The following CSNK1G1 variants were observed in gnomAD, a reference collection of about 807,000 sequenced individuals.
CSNK1G1 encodes the protein casein kinase 1 gamma 1.
In CSNK1G1, 22 loss-of-function variants were observed where a neutral mutation model predicts 59.6. That is an observed-to-expected ratio of 0.37 (90% CI 0.26 to 0.53). The LOEUF is 0.53. CSNK1G1 is among the 20% of genes least tolerant of loss of function. The pLI is 0.89. For missense variants in CSNK1G1, 384 were observed against 519.5 expected (o/e 0.74, Z 2.54); for synonymous variants, 179 against 177.1 (o/e 1.01, Z -0.08).
intron 10 of CSNK1G1, among the ~76,000 whole-genome samples, chr15:64,186,840 T>C (rs2081902952): frequency 6.6e-6 from 1 of 151,938 alleles, no homozygotes; most frequent in Non-Finnish European, 1.5e-5. Context: ...CTCTTTTTTT[T>C]TGAGACGGAA....
At chr15:64,281,533 A>G (rs1329466294) in intron 2 of CSNK1G1, among the ~76,000 whole-genome samples, 1 of 152,198 alleles carries the variant, frequency 6.6e-6, no homozygotes, top group African/African-American at 2.4e-5. Context: ...AGAGTTTCCA[A>G]TTCACAAGAT....
chr15:64,336,026 T>C (rs925447028), intron 1 of CSNK1G1, among the ~76,000 whole-genome samples: 4 of 152,162 alleles, frequency 2.6e-5, no homozygotes, highest in Non-Finnish European at 5.9e-5. Context: ...ATGAATAATA[T>C]TCATCTTAAT....
chr15:64,237,899 C>G (rs2082637097), intron 4 of CSNK1G1, among the ~76,000 whole-genome samples: 1 of 152,178 alleles, frequency 6.6e-6, no homozygotes, highest in African/African-American at 2.4e-5. Flanking sequence ...TTAACACTTA[C>G]TTTATTCACA....
At chr15:64,350,850 C>A (rs1898246449) in intron 1 of CSNK1G1, among the ~76,000 whole-genome samples, 1 of 151,984 alleles carries the variant, frequency 6.6e-6, no homozygotes, top group Admixed American at 6.6e-5. Context: ...CAATTTTGCT[C>A]TCCAAATAAG....
chr15:64,182,288 G>A (rs761031867), intron 10 of CSNK1G1, among the ~76,000 whole-genome samples: 2 of 152,024 alleles, frequency 1.3e-5, no homozygotes, highest in Non-Finnish European at 2.9e-5. Context: ...GGCCAGGCTA[G>A]TCTCGAACTC....
chr15:64,227,092 T>G (rs2082472876), intron 4 of CSNK1G1, among the ~76,000 whole-genome samples: 1 of 152,242 alleles, frequency 6.6e-6, no homozygotes, highest in Non-Finnish European at 1.5e-5. Flanking sequence ...TAACTACAAC[T>G]CAGTGCGATG....
In CSNK1G1 at chr15:64,168,999, G is replaced by A. The variant is rs977499090; in HGVS notation, c.*2932C>T. On this transcript the variant is annotated 3_prime_UTR_variant, in exon 12 of 12. Coordinates refer to ENST00000303052, the MANE Select transcript of CSNK1G1 (RefSeq NM_022048.5). ...TAGTAAGAGATTTGTGAGGTTGGAA[G>A]GTGAGAACAGTGTCTTAGGAAGTAC... 4 of 152,602 alleles carry A rather than the reference G, an allele frequency of 2.6e-5. No homozygotes were observed. The highest frequency in any genetic ancestry group is 2.6e-4 in the Admixed American group (4 of 15,280). 9.5% of individuals were successfully genotyped at this position (152,602 alleles called of 1,614,324 possible).
intron 4 of CSNK1G1, among the ~76,000 whole-genome samples, chr15:64,218,903 G>A (rs1478647481): frequency 6.7e-6 from 1 of 148,556 alleles, no homozygotes; most frequent in Non-Finnish European, 1.5e-5. Flanking sequence ...AGCCCAGGCT[G>A]GAGTGCACTG....
At chr15:64,211,033 T>A (rs1345474249) in intron 6 of CSNK1G1, among the ~76,000 whole-genome samples, 2 of 152,196 alleles carry the variant, frequency 1.3e-5, no homozygotes, top group African/African-American at 2.4e-5. Flanking sequence ...CAGATGCAGA[T>A]GCCAGTGCCA....
At chr15:64,177,992 G>A (rs1343416338) in intron 11 of CSNK1G1, among the ~76,000 whole-genome samples, 1 of 152,126 alleles carries the variant, frequency 6.6e-6, no homozygotes, top group East Asian at 1.9e-4. Context: ...ATCAGACCAC[G>A]CTTGGTACAG....
Position 64,261,850 on chromosome 15 carries a change from G to A in CSNK1G1, c.182-2609C>T, listed in dbSNP as rs1892707283. ...CCCAGCTACTCAGGAGGCTGAGGCA[G>A]GAGAATCGCTTGACCTGGGAGGCAG... On this transcript the variant is annotated intron_variant, in intron 2 of 11. Coordinates refer to ENST00000303052, the MANE Select transcript of CSNK1G1 (RefSeq NM_022048.5). Among the ~76,000 whole-genome samples, 4 of 150,354 alleles carry A rather than the reference G, an allele frequency of 2.7e-5. No homozygotes were observed. In the South Asian group the frequency reaches 6.3e-4, roughly 24 times the overall value.
chr15:64,175,005 A>C (rs1465656419), intron 11 of CSNK1G1, among the ~76,000 whole-genome samples: 8 of 83,234 alleles, frequency 9.6e-5, no homozygotes, highest in Non-Finnish European at 1.1e-4. Context: ...TTGTAACCCC[A>C]CCCCCCACCC....
At chr15:64,186,436 G>T (rs1439440169) in intron 10 of CSNK1G1, among the ~76,000 whole-genome samples, 1 of 152,172 alleles carries the variant, frequency 6.6e-6, no homozygotes, top group African/African-American at 2.4e-5. Context: ...TATTAATTCT[G>T]ATAACACACA....
chr15:64,300,546 A>G lies in CSNK1G1; in HGVS notation c.-47T>C. ...CTATAGTACAGCAAGTAGCTTCAGT[A>G]TGTATACCTCTCTTCAATACAAAAG... On this transcript the variant is annotated 5_prime_UTR_variant, in exon 2 of 12. Coordinates refer to ENST00000303052, the MANE Select transcript of CSNK1G1 (RefSeq NM_022048.5). 2 of 1,577,632 alleles carry G rather than the reference A, an allele frequency of 1.3e-6. No individual in the cohort carries two copies.
intron 2 of CSNK1G1, among the ~76,000 whole-genome samples, chr15:64,269,762 G>A (rs1893182105): frequency 6.6e-6 from 1 of 151,682 alleles, no homozygotes; most frequent in African/African-American, 2.4e-5. Flanking sequence ...CCAAAGTGCT[G>A]GGATTACAGG....
At chr15:64,333,006 C>G (rs1171846868) in intron 1 of CSNK1G1, among the ~76,000 whole-genome samples, 1 of 152,072 alleles carries the variant, frequency 6.6e-6, no homozygotes, top group Non-Finnish European at 1.5e-5. Context: ...CCTGTAATCC[C>G]AGCACTTTGG....
intron 10 of CSNK1G1, among the ~76,000 whole-genome samples, chr15:64,192,511 C>A (rs1369767176): frequency 2.0e-5 from 3 of 152,124 alleles, no homozygotes; most frequent in Non-Finnish European, 2.9e-5. Context: ...AAAGTGAAAA[C>A]CCCCACCTAT....
At chr15:64,308,511 C>T (rs1166869623) in intron 1 of CSNK1G1, among the ~76,000 whole-genome samples, 1 of 152,158 alleles carries the variant, frequency 6.6e-6, no homozygotes, top group Non-Finnish European at 1.5e-5. Flanking sequence ...CACTCATTTA[C>T]TCTCATTGTA....
chr15:64,304,383 C>CAAAAAAAAAA (rs3057017), intron 1 of CSNK1G1, among the ~76,000 whole-genome samples: 2 of 70,732 alleles, frequency 2.8e-5, no homozygotes, highest in African/African-American at 5.2e-5. Context: ...AACTCCACCT[C>CAAAAAAAAAA]AAAAAAAAAA....
Sources: allele counts gnomAD v4.1 joint callset (sites outside exome capture counted in the v4.1 genomes callset), GRCh38; gene constraint gnomAD v4.1.1; transcripts MANE v1.5; gene names NCBI Gene and HGNC (gene_info 2026-07-23, HGNC 2026-07-21).